ABR: variants seen among roughly 807,000 people sequenced by gnomAD.
ABR encodes the protein active breakpoint cluster region-related protein.
ABR carries 35 observed loss-of-function variants against 107.2 expected under a neutral mutation model. The observed-to-expected ratio is 0.33, with a 90% CI of 0.25 to 0.43. The LOEUF (loss-of-function observed/expected upper bound fraction) is 0.43, where lower values mean the gene tolerates loss of function less well. ABR is among the 20% of genes least tolerant of loss of function. The pLI is 1.00. For missense variants in ABR, 815 were observed against 1,115.2 expected (o/e 0.73, Z 3.83); for synonymous variants, 498 against 462.0 (o/e 1.08, Z -1.00).
In ABR at chr17:1,027,470, G is replaced by A. The variant is rs983050931; in HGVS notation, c.1792-14306C>T. ...CAGATTCTCAGAGTCCAGGGTTCCC[G>A]CTCTGCGGACTCAAGCAAGCCTCTT... On this transcript the variant is annotated intron_variant, in intron 16 of 22. Coordinates refer to ENST00000302538, the MANE Select transcript of ABR (RefSeq NM_021962.5). This position sits in a 1 kb window ranked among gnomAD's most constrained non-coding sequence, Gnocchi z 4.7. 3.3e-5 allele frequency among the ~76,000 whole-genome samples: 5 copies of A among 152,166 alleles called. No homozygotes were observed. The highest frequency in any genetic ancestry group is 2.1e-4 in the South Asian group (1 of 4,822).
intron 1 of ABR, among the ~76,000 whole-genome samples, chr17:1,159,196 G>A (rs1394543519): frequency 6.6e-6 from 1 of 152,146 alleles, no homozygotes. Context: ...TCATACACAA[G>A]AGAAGAATGC....
rs1181452759 is a variant in ABR, at chr17:1,057,386, G to GT, written c.1382-285dup. On this transcript the variant is annotated intron_variant, in intron 12 of 22. Transcript: ENST00000302538. ...TGTGTGGTGTATGCGTTTTGTTTTCGTTTTTTTTTTAAACGGAGTCTCACT... is the reference window on the plus strand; with the variant it reads ...TGTGTGGTGTATGCGTTTTGTTTTCGTTTTTTTTTTTAAACGGAGTCTCACT... Among the ~76,000 whole-genome samples, 30 of 138,418 alleles carry GT rather than the reference G, an allele frequency of 2.2e-4. 1 individual carries two copies. Among genetic ancestry groups the GT allele is most frequent in the South Asian group, 7.2e-4 (3 of 4,156 alleles). The allele number at this position is 138,418 out of a possible 152,430, so 90.8% of individuals were successfully genotyped here.
chr17:1,190,258 C>T (rs1187758954), upstream of ABR, among the ~76,000 whole-genome samples: 2 of 152,228 alleles, frequency 1.3e-5, no homozygotes, highest in Admixed American at 1.3e-4. Flanking sequence ...CATAGAAACC[C>T]AGAAATGGTT....
intron 1 of ABR, among the ~76,000 whole-genome samples, chr17:1,128,114 G>A (rs115884000): frequency 0.073 from 11,170 of 152,274 alleles, 475 homozygotes; most frequent in Middle Eastern, 0.15. Flanking sequence ...GCCCAGGGGC[G>A]GCGAAAGGGC....
intron 1 of ABR, among the ~76,000 whole-genome samples, chr17:1,153,403 G>A (rs1370414822): frequency 2.0e-5 from 3 of 148,340 alleles, no homozygotes; most frequent in Non-Finnish European, 4.5e-5. Context: ...GCACACCTGC[G>A]GGAGGGCTGG....
chr17:1,062,285 T>C (rs2921132), intron 10 of ABR, among the ~76,000 whole-genome samples: 59 of 138,870 alleles, frequency 4.2e-4, no homozygotes, highest in African/African-American at 6.9e-4. Context: ...ACTGTTGTTA[T>C]GTGAACTGAG....
At chr17:1,128,509 C>A (rs998412833) in intron 1 of ABR, among the ~76,000 whole-genome samples, 10 of 152,254 alleles carry the variant, frequency 6.6e-5, no homozygotes, top group African/African-American at 2.4e-4. Flanking sequence ...CATATGATTA[C>A]GTTCTAGACA....
rs986919359 is a variant in ABR, at chr17:1,148,125, A to C, written c.62-22758T>G. ...GCTGCTGATGAGTGAAGTAAGCCCA[A>C]AGGTTGTCGGGGAAATACCCGCATT... On this transcript the variant is annotated intron_variant, in intron 1 of 22. Transcript: ENST00000302538. The surrounding 1 kb of genome is among the most constrained non-coding windows in gnomAD (Gnocchi z 4.9). Among the ~76,000 whole-genome samples, 1 of 152,206 alleles carries C rather than the reference A, an allele frequency of 6.6e-6. No individual in the cohort carries two copies. Among genetic ancestry groups the C allele is most frequent in the African/African-American group, 2.4e-5 (1 of 41,448 alleles).
intron 6 of ABR, among the ~76,000 whole-genome samples, chr17:1,075,709 ATGTTT>A (rs1366049932): frequency 6.6e-6 from 1 of 152,232 alleles, no homozygotes; most frequent in African/African-American, 2.4e-5. Context: ...CCACTGCTTT[ATGTTT>A]TATTTATGTA....
intron 1 of ABR, among the ~76,000 whole-genome samples, chr17:1,198,667 G>A (rs1194127036): frequency 6.6e-6 from 1 of 150,858 alleles, no homozygotes; most frequent in Admixed American, 6.6e-5. Context: ...ATGGAGTCTC[G>A]CTCTGTTGCC....
intron 1 of ABR, among the ~76,000 whole-genome samples, chr17:1,152,082 A>G (rs2586270): frequency 0.62 from 93,383 of 149,868 alleles, 29,382 homozygotes; most frequent in African/African-American, 0.74. Flanking sequence ...GAGGTCAGGA[A>G]ATCGAGACCA....
intron 16 of ABR, among the ~76,000 whole-genome samples, chr17:1,034,852 C>T (rs2073049483): frequency 6.6e-6 from 1 of 152,156 alleles, no homozygotes; most frequent in African/African-American, 2.4e-5. Flanking sequence ...ACGCCCCTCC[C>T]TGCCGCCGGG....
chr17:1,036,713 G>C (rs867924694), intron 16 of ABR, among the ~76,000 whole-genome samples: 1 of 152,090 alleles, frequency 6.6e-6, no homozygotes, highest in African/African-American at 2.4e-5. Context: ...GAGTGGGGAC[G>C]GGAGTGTCCC....
chr17:1,055,912 CT>C, intron 14 of ABR, 122 bp downstream of exon 14: 1 of 872,616 alleles, frequency 1.1e-6, no homozygotes. Flanking sequence ...CCAAGAGGAG[CT>C]GGTTTCTGGC....
At chr17:1,169,600 G>A (rs1023466557) in intron 1 of ABR, among the ~76,000 whole-genome samples, 4 of 152,156 alleles carry the variant, frequency 2.6e-5, no homozygotes, top group African/African-American at 9.7e-5. Flanking sequence ...CTCCGTGGGG[G>A]ACTCTCTGGG....
intron 1 of ABR, among the ~76,000 whole-genome samples, chr17:1,166,223 C>T (rs1403499955): frequency 8.5e-5 from 13 of 152,114 alleles, no homozygotes; most frequent in East Asian, 1.9e-4. Context: ...TCTGACTCCA[C>T]GCGGCTGCAA....
intron 1 of ABR, among the ~76,000 whole-genome samples, chr17:1,138,911 G>C (rs1343189210): frequency 6.6e-6 from 1 of 152,246 alleles, no homozygotes; most frequent in Admixed American, 6.5e-5. Context: ...CATTTAAAAA[G>C]CTTAGCATTG....
At chr17:1,014,829 G>C (rs2071012653) in intron 16 of ABR, among the ~76,000 whole-genome samples, 1 of 152,228 alleles carries the variant, frequency 6.6e-6, no homozygotes, top group South Asian at 2.1e-4. Context: ...CTGGGCGACA[G>C]AGTGAGACTC....
chr17:1,020,105 A>G (rs1452544632), intron 16 of ABR, among the ~76,000 whole-genome samples: 66 of 151,260 alleles, frequency 4.4e-4, no homozygotes, highest in Admixed American at 4.3e-3. Flanking sequence ...TTTTTTTGAG[A>G]CGGAGTCGCA....
Sources: allele counts gnomAD v4.1 joint callset (sites outside exome capture counted in the v4.1 genomes callset), GRCh38; gene constraint gnomAD v4.1.1; non-coding constraint Gnocchi (gnomAD v3.1); transcripts MANE v1.5; gene names NCBI Gene and HGNC (gene_info 2026-07-23, HGNC 2026-07-21).